DCC: variants seen among roughly 807,000 people sequenced by gnomAD.
DCC encodes DCC netrin 1 receptor.
Under a neutral mutation model 172.5 loss-of-function variants are expected in DCC, and 58 were observed. The ratio of observed to expected loss-of-function variants is 0.34; its 90% CI spans 0.27 to 0.42. DCC has a LOEUF of 0.42. DCC is among the 10% of genes least tolerant of loss of function. DCC has a pLI of 1.00. For missense variants in DCC, 1,740 were observed against 1,791.0 expected, an observed-to-expected ratio of 0.97 and a Z score of 0.51; for synonymous variants, 709 against 644.5, an observed-to-expected ratio of 1.10 and a Z score of -1.52.
intron 12 of DCC, among the ~76,000 whole-genome samples, chr18:53,240,660 T>C (rs751336609): frequency 3.8e-4 from 58 of 152,196 alleles, no homozygotes; most frequent in Non-Finnish European, 6.0e-4. Flanking sequence ...AGACTAATAC[T>C]AGGTTCCAAC....
intron 5 of DCC, among the ~76,000 whole-genome samples, chr18:53,056,418 A>G (rs926537838): frequency 6.6e-6 from 1 of 152,170 alleles, no homozygotes; most frequent in Admixed American, 6.6e-5. Flanking sequence ...CCAATATGTT[A>G]TCTCCAAACC....
At chr18:52,484,170 T>A (rs974321232) in intron 1 of DCC, among the ~76,000 whole-genome samples, 2 of 152,148 alleles carry the variant, frequency 1.3e-5, no homozygotes, top group Admixed American at 6.6e-5. Flanking sequence ...GGACTTTTTC[T>A]TTTTGTTTAA....
intron 2 of DCC, among the ~76,000 whole-genome samples, chr18:52,846,189 T>G (rs1376189317): frequency 6.6e-6 from 1 of 152,132 alleles, no homozygotes; most frequent in Admixed American, 6.6e-5. Context: ...AAATTTCTCC[T>G]TATGGGCTAC....
At chr18:53,311,582 T>C (rs1233285483) in intron 13 of DCC, among the ~76,000 whole-genome samples, 2 of 152,250 alleles carry the variant, frequency 1.3e-5, no homozygotes, top group Non-Finnish European at 2.9e-5. Context: ...GTTCACTTTA[T>C]TGTGAGTGAT....
chr18:53,494,035 C>T (rs2045989919), intron 26 of DCC, among the ~76,000 whole-genome samples: 1 of 152,106 alleles, frequency 6.6e-6, no homozygotes, highest in East Asian at 1.9e-4. Context: ...TGTCTTTGTT[C>T]TCATTGGTTT....
chr18:52,564,042 C>A (rs368084283), intron 1 of DCC, among the ~76,000 whole-genome samples: 19 of 152,262 alleles, frequency 1.2e-4, no homozygotes, highest in African/African-American at 3.8e-4. Context: ...ACATTTCATG[C>A]CAATTTTCAT....
At chr18:52,881,898 A>T (rs112161072) in intron 2 of DCC, among the ~76,000 whole-genome samples, 2,344 of 152,198 alleles carry the variant, frequency 0.015, 53 homozygotes, top group African/African-American at 0.05. Context: ...AGTAGTGTGG[A>T]AATTTTAAAA....
intron 9 of DCC, among the ~76,000 whole-genome samples, chr18:53,199,079 CTT>C (rs5824997): frequency 7.8e-4 from 109 of 140,464 alleles, no homozygotes; most frequent in South Asian, 3.2e-3. Context: ...TTTTCTTTTT[CTT>C]TTTTTTTTTT....
At chr18:53,320,742 T>C (rs757089287) in intron 13 of DCC, among the ~76,000 whole-genome samples, 55 of 152,320 alleles carry the variant, frequency 3.6e-4, no homozygotes, top group Admixed American at 5.9e-4. Context: ...TTTCAAGTAT[T>C]GTTTTGTGTG....
chr18:53,102,050 A>T (rs1358815486), intron 7 of DCC, among the ~76,000 whole-genome samples: 1 of 152,084 alleles, frequency 6.6e-6, no homozygotes, highest in South Asian at 2.1e-4. Flanking sequence ...TAAAGACTCA[A>T]GTCTTGACTC....
chr18:53,245,508 A>G (rs1458684261), intron 12 of DCC, among the ~76,000 whole-genome samples: 1 of 152,148 alleles, frequency 6.6e-6, no homozygotes, highest in Non-Finnish European at 1.5e-5. Flanking sequence ...GCATATGAAT[A>G]GAATTATGTA....
At chr18:53,062,728 A>G (rs891651699) in intron 5 of DCC, among the ~76,000 whole-genome samples, 7 of 152,178 alleles carry the variant, frequency 4.6e-5, no homozygotes, top group African/African-American at 1.4e-4. Flanking sequence ...AAATTATAAT[A>G]CAGTATAGTA....
intron 1 of DCC, among the ~76,000 whole-genome samples, chr18:52,560,655 T>C (rs2033016076): frequency 6.6e-6 from 1 of 152,226 alleles, no homozygotes; most frequent in South Asian, 2.1e-4. Context: ...ATAGTTCCAC[T>C]TAAAAACCTA....
At chr18:52,640,520 T>C (rs542397191) in intron 1 of DCC, among the ~76,000 whole-genome samples, 5 of 152,216 alleles carry the variant, frequency 3.3e-5, no homozygotes, top group South Asian at 2.1e-4. Flanking sequence ...AGTTTCCAGA[T>C]GTAAGATTAA....
intron 12 of DCC, among the ~76,000 whole-genome samples, chr18:53,288,011 C>G (rs1156905515): frequency 1.3e-5 from 2 of 152,062 alleles, no homozygotes; most frequent in Non-Finnish European, 2.9e-5. Flanking sequence ...TGTAAGCCCT[C>G]TCTTGCAATA....
intron 15 of DCC, among the ~76,000 whole-genome samples, chr18:53,342,452 AT>A (rs1431631065): frequency 6.6e-6 from 1 of 151,828 alleles, no homozygotes; most frequent in Admixed American, 6.6e-5. Context: ...CTACCTACCA[AT>A]TGATCTATTT....
In DCC at chr18:53,402,960, G is replaced by A. The variant is rs563364075; in HGVS notation, c.2935+67G>A. 2,535 of 1,111,260 alleles carry A rather than the reference G, an allele frequency of 2.3e-3. 59 individuals carry two copies. In the South Asian group the frequency reaches 0.03, roughly 13 times the overall value. The allele number at this position is 1,111,260 out of a possible 1,614,324, so 68.8% of individuals were successfully genotyped here. A position where few individuals can be genotyped will look rare whatever the true frequency, so the allele number is the denominator to read the frequency against. On this transcript the variant is annotated intron_variant, in intron 19 of 28. Transcript: ENST00000442544. ...TCCTATAATTGCTTACCCCCTACAT[G>A]AGCTGCTCCTGCCTTTCGTGTGGCA... is the stretch of plus-strand genomic sequence containing the variant.
chr18:52,519,317 G>T (rs781427801), intron 1 of DCC, among the ~76,000 whole-genome samples: 6 of 152,192 alleles, frequency 3.9e-5, no homozygotes, highest in Non-Finnish European at 8.8e-5. Context: ...ACTTTGTTAA[G>T]TGCAGTGCAG....
intron 22 of DCC, among the ~76,000 whole-genome samples, chr18:53,438,575 C>T (rs1912088177): frequency 6.6e-6 from 1 of 152,100 alleles, no homozygotes; most frequent in Non-Finnish European, 1.5e-5. Flanking sequence ...CTAATTGGGC[C>T]TCCTGTATTT....
Sources: gnomAD v4.1 joint callset for allele counts (sites outside exome capture counted in the v4.1 genomes callset) on GRCh38, gnomAD v4.1.1 for gene constraint, MANE v1.5 for transcripts, NCBI Gene and HGNC (gene_info 2026-07-23, HGNC 2026-07-21) for gene names.